DOCK8: variants seen among roughly 807,000 people sequenced by gnomAD.
DOCK8 encodes dedicator of cytokinesis protein 8.
A neutral mutation model predicts 245.6 loss-of-function variants in DOCK8; 141 were observed. The observed-to-expected ratio is 0.57, with a 90% confidence interval of 0.50 to 0.66. The LOEUF is 0.66. Among genes scored for constraint, DOCK8 ranks in the 30% least tolerant of loss-of-function variants. The probability of loss-of-function intolerance (pLI) is 0.00; values close to 1 mark genes in which losing one functional copy is unlikely to be tolerated. For missense variants in DOCK8, 2,965 were observed against 2,603.4 expected (o/e 1.14, Z -3.02); for synonymous variants, 1,168 against 970.2 (o/e 1.20, Z -3.79).
Position 463,509 on chromosome 9 carries a change from C to A in DOCK8, c.6069-8C>A. 3.1e-6 allele frequency: 5 copies of A among 1,614,048 alleles called. No individual in the cohort carries two copies. The highest frequency in any genetic ancestry group is 4.2e-6 in the Non-Finnish European group (5 of 1,179,950). On this transcript the variant is annotated splice_region_variant and splice_polypyrimidine_tract_variant and intron_variant, in intron 46 of 47. Coordinates refer to ENST00000432829, the MANE Select transcript of DOCK8 (RefSeq NM_203447.4). ...TTTATTTCTCCCACACTGATATTTTCATCTCAGATGTGGTGAAGCTGTAGA... is the reference window on the plus strand; with the variant it reads ...TTTATTTCTCCCACACTGATATTTTAATCTCAGATGTGGTGAAGCTGTAGA...
chr9:436,025 C>A (rs145136001), intron 39 of DOCK8, among the ~76,000 whole-genome samples: 1 of 152,332 alleles, frequency 6.6e-6, no homozygotes, highest in Non-Finnish European at 1.5e-5. Flanking sequence ...TTCTTCAACA[C>A]AATTTTGTGA....
chr9:261,082 T>C (rs1264801637), intron 1 of DOCK8, among the ~76,000 whole-genome samples: 1 of 142,818 alleles, frequency 7.0e-6, no homozygotes, highest in African/African-American at 2.6e-5. Flanking sequence ...CAAGACTCCG[T>C]CTCAAAAAAA....
rs1384729976 is a variant in DOCK8, at chr9:446,616, C to T, written c.5817+10C>T. 1 of 1,613,436 alleles carries T rather than the reference C, an allele frequency of 6.2e-7. No individual in the cohort carries two copies. The highest frequency in any genetic ancestry group is 1.1e-5 in the South Asian group (1 of 91,018). On this transcript the variant is annotated intron_variant, in intron 44 of 47. Coordinates refer to ENST00000432829, the MANE Select transcript of DOCK8 (RefSeq NM_203447.4). ...CATCCAGAAGGAGGAGGTAATGCAC[C>T]CAAGGGATTGGCCACCACTGGATGA...
intron 1 of DOCK8, among the ~76,000 whole-genome samples, chr9:260,114 A>T (rs181305060): frequency 6.6e-6 from 1 of 152,316 alleles, no homozygotes; most frequent in African/African-American, 2.4e-5. Context: ...TGCCCTCTCA[A>T]GCCTGGCCAA....
intron 30 of DOCK8, 62 bp downstream of exon 30, chr9:418,269 TTTTG>T (rs1193969989): frequency 6.7e-5 from 108 of 1,601,874 alleles, no homozygotes; most frequent in South Asian, 5.0e-4. Flanking sequence ...TTCTGTTTTG[TTTTG>T]TTTGTTTGTT....
chr9:296,786 G>C (rs2049277412), intron 4 of DOCK8, among the ~76,000 whole-genome samples: 1 of 152,144 alleles, frequency 6.6e-6, no homozygotes, highest in South Asian at 2.1e-4. Flanking sequence ...TGGTAACAAA[G>C]AGCAATCCAG....
intron 24 of DOCK8, among the ~76,000 whole-genome samples, chr9:392,793 C>T (rs1355953798): frequency 6.6e-6 from 1 of 152,074 alleles, no homozygotes; most frequent in Non-Finnish European, 1.5e-5. Flanking sequence ...AAGACCCATT[C>T]CCCTCTTGTT....
At chr9:419,061 A>G (rs998325423) in intron 30 of DOCK8, among the ~76,000 whole-genome samples, 3 of 152,182 alleles carry the variant, frequency 2.0e-5, no homozygotes, top group Non-Finnish European at 2.9e-5. Context: ...GATTCAGTTG[A>G]GGTGGGATTC....
chr9:264,394 C>T (rs946481791), intron 1 of DOCK8, among the ~76,000 whole-genome samples: 3 of 152,190 alleles, frequency 2.0e-5, no homozygotes, highest in Admixed American at 6.5e-5. Context: ...ACATAAGTTC[C>T]ATGCCTTCCA....
intron 26 of DOCK8, among the ~76,000 whole-genome samples, chr9:400,223 C>T (rs1403273345): frequency 8.4e-6 from 1 of 118,576 alleles, no homozygotes; most frequent in Non-Finnish European, 1.8e-5. Flanking sequence ...ACTATCACCA[C>T]CACCTCCACC....
intron 1 of DOCK8, among the ~76,000 whole-genome samples, chr9:246,206 G>A (rs973580170): frequency 1.3e-5 from 2 of 151,480 alleles, no homozygotes; most frequent in Non-Finnish European, 1.5e-5. Flanking sequence ...GTGACAGAGT[G>A]ACACCCATCT....
rs767198480 is a variant in DOCK8 at position 463,555 on chromosome 9, C to T, written c.6107C>T (p.Thr2036Met). 1.0e-4 allele frequency: 166 copies of T among 1,614,058 alleles called. 1 individual carries two copies. Among genetic ancestry groups the T allele is most frequent in the Middle Eastern group, 3.3e-4 (2 of 6,084 alleles). The change falls in exon 47 of 48, where the codon ACG (threonine) becomes ATG (methionine). Residue 2036 changes from threonine (T) to methionine (M), a missense_variant. Physicochemically the swap from Thr to Met is moderately conservative, Grantham distance 81 (BLOSUM62 -1). Transcript: ENST00000432829. ...GTAGAGAAAAACAAGCGTCTCATCA[C>T]GGCAGACCAGAGGGAATATCAGCAG... is the stretch of plus-strand genomic sequence containing the variant. ...EAVEKNKRLITADQREYQQEL... is the reference protein window; with the variant it reads ...EAVEKNKRLIMADQREYQQEL...
chr9:275,137 A>G (rs1051830434), intron 2 of DOCK8, among the ~76,000 whole-genome samples: 3 of 152,238 alleles, frequency 2.0e-5, no homozygotes, highest in Admixed American at 1.3e-4. Flanking sequence ...TAAAATTGGC[A>G]TAATAATGCT....
chr9:426,936 A>C lies in DOCK8; in HGVS notation c.4293A>C (p.Thr1431=), dbSNP rs770396251. ...CCTTGATCAGTGGCAATCTGGCTAC[A>C]GAAGCACATTTAATCATCCTGGATA... ...QEALISGNLA[T]EAHLIILDMQ... Residue 1431 remains threonine, a synonymous_variant, in exon 34 of 48, where the codon ACA becomes ACC. Coordinates refer to ENST00000432829, the MANE Select transcript of DOCK8 (RefSeq NM_203447.4). 1.2e-6 allele frequency: 2 copies of C among 1,614,206 alleles called. No homozygotes were observed. The highest frequency in any genetic ancestry group is 1.7e-6 in the Non-Finnish European group (2 of 1,180,048).
chr9:300,045 T>C (rs553560783), intron 4 of DOCK8, among the ~76,000 whole-genome samples: 84 of 151,696 alleles, frequency 5.5e-4, no homozygotes, highest in Non-Finnish European at 1.1e-3. Context: ...AGATGGCCCA[T>C]TGTGGTAAGC....
chr9:339,058 A>T lies in DOCK8; in HGVS notation c.1475A>T (p.Lys492Ile). Reference sequence around the variant, plus strand: ...TTATTCAAGTTTTTAGCTGACTACAAAAGATCATCATCCTTACAGAGACGA... The same window carrying T: ...TTATTCAAGTTTTTAGCTGACTACATAAGATCATCATCCTTACAGAGACGA... ...EDLFKFLADY[K>I]RSSSLQRRVK... The change falls in exon 13 of 48, where the codon AAA becomes ATA. Residue 492 changes from lysine to isoleucine, a missense_variant. Transcript: ENST00000432829. The T allele has an allele frequency of 1.2e-6, 2 of 1,614,150 alleles. No individual in the cohort carries two copies. The highest frequency in any genetic ancestry group is 1.7e-6 in the Non-Finnish European group (2 of 1,180,012).
chr9:282,408 G>T (rs80310743), intron 2 of DOCK8, among the ~76,000 whole-genome samples: 15 of 140,456 alleles, frequency 1.1e-4, no homozygotes, highest in African/African-American at 1.4e-4. Context: ...TTTTTGTTTC[G>T]TTTTGTTTTT....
rs114578242 is a variant in DOCK8, at chr9:464,341, C to T, written c.*122C>T. On this transcript the variant is annotated 3_prime_UTR_variant, in exon 48 of 48. Transcript: ENST00000432829. ...CTGTACACTCCCTGATCAGCCAGCA[C>T]TCTGGAAGCTTTGGGATCCCAGGAA... 1.6e-3 allele frequency: 1,349 copies of T among 869,838 alleles called. 10 individuals carry two copies. The African/African-American group carries it at 0.018, about 12-fold the overall frequency. The allele number at this position is 869,838 out of a possible 1,614,324, so 53.9% of individuals were successfully genotyped here. A position where few individuals can be genotyped will look rare whatever the true frequency, so the allele number is the denominator to read the frequency against.
intron 24 of DOCK8, among the ~76,000 whole-genome samples, chr9:395,531 T>TTAGTAG (rs60738310): frequency 0.4 from 59,056 of 149,304 alleles, 12,624 homozygotes; most frequent in East Asian, 0.69. Flanking sequence ...TCCAGTGCCA[T>TTAGTAG]TAGTAGTAGT....
Sources: allele counts gnomAD v4.1 joint callset (sites outside exome capture counted in the v4.1 genomes callset), GRCh38; gene constraint gnomAD v4.1.1; transcripts MANE v1.5; gene names NCBI Gene and HGNC (gene_info 2026-07-23, HGNC 2026-07-21).